PDE3A: variants seen among roughly 807,000 people sequenced by gnomAD.
PDE3A encodes the protein cGMP-inhibited 3',5'-cyclic phosphodiesterase 3A.
A neutral mutation model predicts 98.3 loss-of-function variants in PDE3A; 43 were observed. The ratio of observed to expected loss-of-function variants is 0.44; its 90% CI spans 0.34 to 0.56. The LOEUF (loss-of-function observed/expected upper bound fraction) is 0.56. Among genes scored for constraint, PDE3A ranks in the 20% least tolerant of loss-of-function variants. PDE3A has a pLI of 0.01. For missense variants in PDE3A, 1,427 were observed against 1,440.7 expected (o/e 0.99, Z 0.15); for synonymous variants, 663 against 567.9 (o/e 1.17, Z -2.38).
intron 1 of PDE3A, among the ~76,000 whole-genome samples, chr12:20,518,427 G>A (rs2121141084): frequency 6.6e-6 from 1 of 151,996 alleles, no homozygotes; most frequent in South Asian, 2.1e-4. Context: ...AGATTCATTT[G>A]GGAGAAGATC....
chr12:20,653,145 G>A (rs1042728140), intron 14 of PDE3A, among the ~76,000 whole-genome samples: 2 of 151,926 alleles, frequency 1.3e-5, no homozygotes, highest in South Asian at 4.1e-4. Context: ...AACATTTGAA[G>A]CACTTCAAAA....
chr12:20,551,896 G>A lies in PDE3A; in HGVS notation c.961-4764G>A, dbSNP rs1011889698. The A allele has an allele frequency of 1.2e-5, 20 of 1,613,524 alleles. No individual in the cohort carries two copies. In the South Asian group the frequency reaches 2.1e-4, roughly 17 times the overall value. On this transcript the variant is annotated intron_variant, in intron 1 of 15. Coordinates refer to ENST00000359062, the MANE Select transcript of PDE3A (RefSeq NM_000921.5). ...GTCCAACCACTACGGACCCATCCCG[G>A]GGATCCCCGTGGGCACCATGTGGCG...
At chr12:20,489,626 T>C (rs60526859) in intron 1 of PDE3A, among the ~76,000 whole-genome samples, 19,541 of 152,230 alleles carry the variant, frequency 0.13, 1,867 homozygotes, top group African/African-American at 0.27. Flanking sequence ...ATGTTTTATA[T>C]ATGTGATCAT....
rs557722547 is a variant in PDE3A, at chr12:20,483,477, C to T, written c.961-73183C>T. Among the ~76,000 whole-genome samples, 73 of 152,246 alleles carry T rather than the reference C, an allele frequency of 4.8e-4. 1 individual carries two copies. Among genetic ancestry groups the T allele is most frequent in the African/African-American group, 1.6e-3 (67 of 41,544 alleles). On this transcript the variant is annotated intron_variant, in intron 1 of 15. Coordinates refer to ENST00000359062, the MANE Select transcript of PDE3A (RefSeq NM_000921.5). ...CTTGCAAATGAGAAGAAAAAAATCA[C>T]GCTCATTCATGTAAAATGGTATCTG...
Position 20,369,599 on chromosome 12 carries a change from G to A in PDE3A, c.315G>A (p.Pro105=), listed in dbSNP as rs894843744. ...AAAAEEEEAA[P]GAEGGVFPGP... ...CGGCGGAGGAGGAGGAAGCAGCCCCGGGAGCAGAAGGGGGCGTCTTCCCGG... is the reference window on the plus strand; with the variant it reads ...CGGCGGAGGAGGAGGAAGCAGCCCCAGGAGCAGAAGGGGGCGTCTTCCCGG... The change falls in exon 1 of 16, where the codon CCG becomes CCA. Residue 105 remains proline, a synonymous_variant. Coordinates refer to ENST00000359062, the MANE Select transcript of PDE3A (RefSeq NM_000921.5). 8.3e-6 allele frequency: 13 copies of A among 1,565,544 alleles called. No individual in the cohort carries two copies. The highest frequency in any genetic ancestry group is 1.9e-5 in the Admixed American group (1 of 52,890).
At chr12:20,608,211 C>T (rs1565447427) in intron 2 of PDE3A, among the ~76,000 whole-genome samples, 1 of 152,192 alleles carries the variant, frequency 6.6e-6, no homozygotes, top group Non-Finnish European at 1.5e-5. Flanking sequence ...TTGCTGCAAA[C>T]AAATCTGATT....
rs1943523747 is a variant in PDE3A at position 20,373,795 on chromosome 12, T to C, written c.960+3551T>C. The stretch of plus-strand genomic sequence containing the variant: ...AAAGAAGAGTCAAGTTTTTCACCAC[T>C]GATGTGAGAAAGACACTTTTAGGAG... On this transcript the variant is annotated intron_variant, in intron 1 of 15. Transcript: ENST00000359062. Among the ~76,000 whole-genome samples, 4 of 152,226 alleles carry C rather than the reference T, an allele frequency of 2.6e-5. No homozygotes were observed. In the South Asian group the frequency reaches 8.3e-4, roughly 31 times the overall value.
intron 1 of PDE3A, among the ~76,000 whole-genome samples, chr12:20,403,848 T>C (rs938166307): frequency 2.6e-5 from 4 of 152,052 alleles, no homozygotes; most frequent in Non-Finnish European, 5.9e-5. Flanking sequence ...AATTTAGTTA[T>C]ATATAATACA....
chr12:20,400,694 A>G (rs1944114572), intron 1 of PDE3A, among the ~76,000 whole-genome samples: 1 of 152,158 alleles, frequency 6.6e-6, no homozygotes, highest in Non-Finnish European at 1.5e-5. Context: ...CTGGGATTAT[A>G]GGCGTGAGCC....
At chr12:20,588,163 C>T (rs1052743099) in intron 2 of PDE3A, among the ~76,000 whole-genome samples, 1 of 152,112 alleles carries the variant, frequency 6.6e-6, no homozygotes, top group Non-Finnish European at 1.5e-5. Flanking sequence ...TGCCTGCTGA[C>T]GTCAACGAAA....
At chr12:20,481,235 G>A (rs1222919840) in intron 1 of PDE3A, among the ~76,000 whole-genome samples, 2 of 152,106 alleles carry the variant, frequency 1.3e-5, no homozygotes, top group African/African-American at 2.4e-5. Flanking sequence ...TAACTGTGCA[G>A]CATTACAGAT....
chr12:20,417,856 A>G (rs1944448081), intron 1 of PDE3A, among the ~76,000 whole-genome samples: 1 of 152,240 alleles, frequency 6.6e-6, no homozygotes, highest in African/African-American at 2.4e-5. Context: ...ATGAGTTAAT[A>G]TAAAGCACAT....
chr12:20,580,633 C>T (rs901598050), intron 2 of PDE3A, among the ~76,000 whole-genome samples: 5 of 152,152 alleles, frequency 3.3e-5, no homozygotes, highest in African/African-American at 7.2e-5. Context: ...CAAAGGCTTT[C>T]TGATTCTTTT....
chr12:20,454,393 G>T (rs1282668422), intron 1 of PDE3A, among the ~76,000 whole-genome samples: 1 of 152,118 alleles, frequency 6.6e-6, no homozygotes, highest in Non-Finnish European at 1.5e-5. Flanking sequence ...TGTATTACCA[G>T]CTGACATGTT....
chr12:20,545,906 G>C (rs111698458), intron 1 of PDE3A, among the ~76,000 whole-genome samples: 1 of 151,974 alleles, frequency 6.6e-6, no homozygotes, highest in Admixed American at 6.6e-5. Context: ...ATGTCCTCTT[G>C]TCTCCCCATG....
In PDE3A at chr12:20,368,537, G is replaced by T. The variant is rs112601880; in HGVS notation, c.-748G>T. On this transcript the variant is annotated 5_prime_UTR_variant, in exon 1 of 16. Coordinates refer to ENST00000359062, the MANE Select transcript of PDE3A (RefSeq NM_000921.5). ...TCCCTCCCTCCCTTCTGCGGCTGCC[G>T]CTAGTCTCTCGGTCTGGCTCTCTCT... Among the ~76,000 whole-genome samples the T allele has an allele frequency of 6.7e-6, 1 of 150,252 alleles. No homozygotes were observed. Among genetic ancestry groups the T allele is most frequent in the South Asian group, 2.1e-4 (1 of 4,736 alleles).
At chr12:20,452,465 T>C (rs1044334360) in intron 1 of PDE3A, among the ~76,000 whole-genome samples, 1 of 152,224 alleles carries the variant, frequency 6.6e-6, no homozygotes, top group African/African-American at 2.4e-5. Flanking sequence ...GCAATGTGTC[T>C]CCAAATGGTC....
intron 1 of PDE3A, among the ~76,000 whole-genome samples, chr12:20,424,144 A>T (rs1475340408): frequency 2.0e-5 from 3 of 152,222 alleles, no homozygotes; most frequent in African/African-American, 4.8e-5. Context: ...CTTTTAAAGG[A>T]TACTTCTCAG....
At chr12:20,490,017 G>A (rs918546324) in intron 1 of PDE3A, among the ~76,000 whole-genome samples, 1 of 152,086 alleles carries the variant, frequency 6.6e-6, no homozygotes, top group Admixed American at 6.6e-5. Flanking sequence ...TAGAGATGGG[G>A]GAGTTCTGGG....
Sources: allele counts gnomAD v4.1 joint callset (sites outside exome capture counted in the v4.1 genomes callset), GRCh38; gene constraint gnomAD v4.1.1; transcripts MANE v1.5; gene names NCBI Gene and HGNC (gene_info 2026-07-23, HGNC 2026-07-21).